The following RECK variants were observed in gnomAD, a reference collection of about 807,000 sequenced individuals.
RECK encodes the protein reversion inducing cysteine rich protein with kazal motifs.
In RECK, 69 loss-of-function variants were observed where a neutral mutation model predicts 115.1. The ratio of observed to expected loss-of-function variants is 0.60; its 90% CI spans 0.49 to 0.73. The LOEUF is 0.73. Ranked by LOEUF, RECK falls within the 30% of genes least tolerant of loss-of-function variation. The probability of loss-of-function intolerance (pLI) is 0.00; values close to 1 mark genes in which losing one functional copy is unlikely to be tolerated. For missense variants in RECK, 1,047 were observed against 1,203.7 expected, an observed-to-expected ratio of 0.87 and a Z score of 1.93; for synonymous variants, 414 against 419.7, an observed-to-expected ratio of 0.99 and a Z score of 0.17.
intron 10 of RECK, among the ~76,000 whole-genome samples, chr9:36,097,180 T>C (rs1462323716): frequency 1.3e-5 from 2 of 151,898 alleles, no homozygotes; most frequent in Admixed American, 6.6e-5. Flanking sequence ...TTTTAAAAAT[T>C]AGCTGGGCGT....
intron 6 of RECK, among the ~76,000 whole-genome samples, chr9:36,079,189 C>T (rs1822583426): frequency 6.6e-6 from 1 of 152,152 alleles, no homozygotes; most frequent in Admixed American, 6.5e-5. Flanking sequence ...GCCACCTCGC[C>T]CAGCTGGTAG....
intron 6 of RECK, among the ~76,000 whole-genome samples, chr9:36,071,939 C>A (rs1289284249): frequency 2.0e-5 from 3 of 152,108 alleles, no homozygotes; most frequent in Non-Finnish European, 4.4e-5. Context: ...TCACATTGTT[C>A]AAAATTCAAA....
chr9:36,080,757 T>G, intron 7 of RECK, 119 bp downstream of exon 7: 1 of 824,820 alleles, frequency 1.2e-6, no homozygotes. Flanking sequence ...GTCATTCATG[T>G]ATTATAACAA....
At position 36,116,775 on chromosome 9, in the gene RECK, C is replaced by T. The variant is rs115139407; in HGVS notation, c.2061-210C>T. ...GCTCCCCAGACGAGAATGACTCATC[C>T]CCGCAAGCTTTGTGCACATCTTTTC... On this transcript the variant is annotated intron_variant, in intron 16 of 20. Coordinates refer to ENST00000377966, the MANE Select transcript of RECK (RefSeq NM_021111.3). Among the ~76,000 whole-genome samples the T allele has an allele frequency of 6.9e-3, 1,055 of 152,342 alleles. 14 individuals are homozygous for T. The highest frequency in any genetic ancestry group is 0.023 in the African/African-American group (940 of 41,580).
chr9:36,102,970 A>T (rs1348820020), intron 12 of RECK, among the ~76,000 whole-genome samples: 1 of 151,904 alleles, frequency 6.6e-6, no homozygotes, highest in Non-Finnish European at 1.5e-5. Context: ...AAAAAAAAAA[A>T]ATTATAGTCT....
chr9:36,111,393 T>C (rs772925560), intron 15 of RECK, among the ~76,000 whole-genome samples: 3 of 152,216 alleles, frequency 2.0e-5, no homozygotes, highest in African/African-American at 7.2e-5. Flanking sequence ...ACCTTCACTC[T>C]TTCTTTTTGT....
At chr9:36,059,014 AAAATGT>A (rs1209116058) in intron 3 of RECK, 113 bp downstream of exon 3, 18 of 596,824 alleles carry the variant, frequency 3.0e-5, no homozygotes, top group Non-Finnish European at 4.5e-5. Context: ...TGGTCAAAAT[AAAATGT>A]TAAGTTTAAC....
At chr9:36,079,162 T>C (rs1386960863) in intron 6 of RECK, among the ~76,000 whole-genome samples, 2 of 152,224 alleles carry the variant, frequency 1.3e-5, no homozygotes, top group Non-Finnish European at 2.9e-5. Context: ...CCCAAAGTGC[T>C]GGGATTACAG....
At chr9:36,107,604 CAAAA>C (rs11315233) in intron 13 of RECK, among the ~76,000 whole-genome samples, 2 of 70,960 alleles carry the variant, frequency 2.8e-5, no homozygotes, top group Non-Finnish European at 3.0e-5. Context: ...GACTCCGTCT[CAAAA>C]AAAAAAAAAA....
intron 15 of RECK, 96 bp from the exon 16 acceptor site, chr9:36,112,209 C>T (rs1824078423): frequency 1.9e-6 from 2 of 1,051,876 alleles, no homozygotes; most frequent in Non-Finnish European, 1.4e-6. Flanking sequence ...TAACGTGAGA[C>T]CTTCACATGA....
chr9:36,105,412 A>G (rs1353121163), intron 13 of RECK, 129 bp downstream of exon 13: 2 of 826,962 alleles, frequency 2.4e-6, no homozygotes, highest in Non-Finnish European at 3.8e-6. Flanking sequence ...TGAGATTATG[A>G]GGGACTTCAT....
intron 1 of RECK, among the ~76,000 whole-genome samples, chr9:36,043,347 G>A (rs188837472): frequency 1.3e-5 from 2 of 151,588 alleles, no homozygotes; most frequent in African/African-American, 4.8e-5. Flanking sequence ...CGGCTCCTTA[G>A]CCCACTTTTT....
chr9:36,066,123 G>C (rs971725142), intron 6 of RECK, among the ~76,000 whole-genome samples: 1 of 152,134 alleles, frequency 6.6e-6, no homozygotes, highest in Admixed American at 6.5e-5. Flanking sequence ...TATTAAATCT[G>C]AAGGACTCTC....
At chr9:36,106,719 A>G (rs953912151) in intron 13 of RECK, among the ~76,000 whole-genome samples, 1 of 152,114 alleles carries the variant, frequency 6.6e-6, no homozygotes, top group Non-Finnish European at 1.5e-5. Context: ...TTACCCTTAC[A>G]TTATAAGTTG....
At position 36,105,133 on chromosome 9, in the gene RECK, G is replaced by GT. The variant is rs1171935284; in HGVS notation, c.1436-4dup. 6 of 1,612,544 alleles carry GT rather than the reference G, an allele frequency of 3.7e-6. No homozygotes were observed. Among genetic ancestry groups the GT allele is most frequent in the Non-Finnish European group, 5.1e-6 (6 of 1,179,336 alleles). ...AGGTTGGTTAAACTAATCTGTTTTG[G>GT]TTTTTTCAGGGCCAAGTACTTTAGG... On this transcript the variant is annotated splice_polypyrimidine_tract_variant and intron_variant, in intron 12 of 20. Transcript: ENST00000377966.
intron 11 of RECK, among the ~76,000 whole-genome samples, chr9:36,100,890 A>G (rs887773986): frequency 2.0e-5 from 3 of 152,052 alleles, no homozygotes; most frequent in Non-Finnish European, 4.4e-5. Flanking sequence ...CTGATGCACA[A>G]TTCTATTTTT....
chr9:36,042,117 A>G (rs1199098761), intron 1 of RECK, among the ~76,000 whole-genome samples: 1 of 151,464 alleles, frequency 6.6e-6, no homozygotes, highest in Non-Finnish European at 1.5e-5. Context: ...GGTTACATGA[A>G]TAAGTTCTTT....
chr9:36,042,850 A>G (rs902014390), intron 1 of RECK, among the ~76,000 whole-genome samples: 11 of 151,214 alleles, frequency 7.3e-5, no homozygotes, highest in African/African-American at 2.7e-4. Context: ...TTATTTTTTT[A>G]TTTTCTAATT....
At chr9:36,065,677 T>C in intron 6 of RECK, 53 bp downstream of exon 6, 1 of 1,291,698 alleles carries the variant, frequency 7.7e-7, no homozygotes, top group Non-Finnish European at 1.0e-6. Context: ...TTATCAGAAT[T>C]AACAAAATTA....
Sources: gnomAD v4.1 joint callset for allele counts (sites outside exome capture counted in the v4.1 genomes callset) on GRCh38, gnomAD v4.1.1 for gene constraint, MANE v1.5 for transcripts, NCBI Gene and HGNC (gene_info 2026-07-23, HGNC 2026-07-21) for gene names.